ZNF454: variants seen among roughly 807,000 people sequenced by gnomAD.
The protein encoded by ZNF454 is zinc finger protein 454.
Under a neutral mutation model 48.2 loss-of-function variants are expected in ZNF454, and 30 were observed. The ratio of observed to expected loss-of-function variants is 0.62; its 90% CI spans 0.47 to 0.84. ZNF454 has a LOEUF of 0.84. ZNF454 is among the 40% of genes least tolerant of loss of function. The pLI, the probability that ZNF454 is intolerant of heterozygous loss-of-function variation, is 0.00. For synonymous variants in ZNF454, 204 were observed against 211.4 expected, an observed-to-expected ratio of 0.97 and a Z score of 0.30; for missense variants, 510 against 623.1, an observed-to-expected ratio of 0.82 and a Z score of 1.93.
chr5:178,976,401 C>T, the ZNF454 span, among the ~76,000 whole-genome samples: 4 of 152,166 alleles, frequency 2.6e-5, no homozygotes, highest in African/African-American at 9.7e-5. Flanking sequence ...ATCCCAGGTG[C>T]TTAGCACAGA....
the ZNF454 span, chr5:178,986,311 G>A: frequency 2.7e-4 from 436 of 1,613,998 alleles, 2 homozygotes; most frequent in African/African-American, 1.2e-3. Flanking sequence ...GGCACAGACC[G>A]CGGCCCCAGG....
At chr5:178,956,944 T>A (rs754634090) in intron 4 of ZNF454, 1 of 272,680 alleles carries the variant, frequency 3.7e-6, no homozygotes, top group South Asian at 3.0e-5. Context: ...AGTGCAGTGG[T>A]ACAATCTCGG....
At chr5:178,987,543 G>A in the ZNF454 span, 2 of 430,674 alleles carry the variant, frequency 4.6e-6, no homozygotes, top group Admixed American at 2.4e-5. Flanking sequence ...GATGCTCGGT[G>A]AAACAAGCCA....
Position 178,966,226 on chromosome 5 carries a change from A to G in ZNF454, c.*253A>G. 3.1e-6 allele frequency: 1 copy of G among 324,410 alleles called. No homozygotes were observed. Among genetic ancestry groups the G allele is most frequent in the Non-Finnish European group, 5.6e-6 (1 of 177,632 alleles). 20.1% of individuals were successfully genotyped at this position (324,410 alleles called of 1,614,324 possible). On this transcript the variant is annotated 3_prime_UTR_variant, in exon 5 of 5. Transcript: ENST00000519564. ...GAGGTGGGCGGATCACGAGGTCAGG[A>G]GATCGAGACCATCCTGGCTAACAGG...
chr5:178,972,645 C>A, the ZNF454 span, among the ~76,000 whole-genome samples: 1 of 152,146 alleles, frequency 6.6e-6, no homozygotes, highest in African/African-American at 2.4e-5. Flanking sequence ...GCAGGCAAAC[C>A]ACAGATGACC....
chr5:178,970,837 C>G (rs1364540759), downstream of ZNF454, among the ~76,000 whole-genome samples: 1 of 152,208 alleles, frequency 6.6e-6, no homozygotes, highest in Non-Finnish European at 1.5e-5. Context: ...ACCTGGTTAT[C>G]TAGATGACAC....
chr5:178,981,044 C>A, the ZNF454 span: 1 of 155,050 alleles, frequency 6.4e-6, no homozygotes, highest in Non-Finnish European at 1.4e-5. This position sits in a 1 kb window ranked among gnomAD's most constrained non-coding sequence, Gnocchi z 5.1. Context: ...CATTGGGAAT[C>A]TCATGGGGGC....
At chr5:178,948,977 A>G (rs1189072815) in intron 4 of ZNF454, among the ~76,000 whole-genome samples, 1 of 150,956 alleles carries the variant, frequency 6.6e-6, no homozygotes, top group Non-Finnish European at 1.5e-5. Flanking sequence ...ATCATGGCTC[A>G]CTGCAACCTC....
chr5:178,978,118 G>A, the ZNF454 span, among the ~76,000 whole-genome samples: 1 of 152,112 alleles, frequency 6.6e-6, no homozygotes, highest in African/African-American at 2.4e-5. Context: ...TTTTTCCCCT[G>A]TCAAAGCCCA....
At chr5:178,985,454 A>G in the ZNF454 span, among the ~76,000 whole-genome samples, 23 of 151,684 alleles carry the variant, frequency 1.5e-4, no homozygotes, top group Non-Finnish European at 1.8e-4. Flanking sequence ...CTGTCATCCC[A>G]GCACTTTGGG....
At chr5:178,985,571 C>G in the ZNF454 span, 529 of 338,260 alleles carry the variant, frequency 1.6e-3, 1 homozygote, top group African/African-American at 3.7e-3. Flanking sequence ...GGCGTGGTGG[C>G]GGGCGCCTGT....
At chr5:178,985,499 C>A in the ZNF454 span, 16 of 342,822 alleles carry the variant, frequency 4.7e-5, no homozygotes, top group Admixed American at 8.0e-5. Flanking sequence ...GTCAGGAGAT[C>A]GAGACCATCC....
At chr5:178,957,412 TATTTTA>T (rs1314693691) in intron 4 of ZNF454, among the ~76,000 whole-genome samples, 2 of 151,728 alleles carry the variant, frequency 1.3e-5, no homozygotes, top group East Asian at 4.0e-4. Context: ...TTTTTTATTT[TATTTTA>T]TTTTTTTTGG....
the ZNF454 span, among the ~76,000 whole-genome samples, chr5:178,988,686 G>C: frequency 1.3e-5 from 2 of 152,264 alleles, no homozygotes; most frequent in East Asian, 3.9e-4. The surrounding 1 kb of genome is among the most constrained non-coding windows in gnomAD (Gnocchi z 6.0). Context: ...TGGCAGAAGG[G>C]ATCAGAGAAG....
chr5:178,980,166 G>C, the ZNF454 span: 4 of 154,350 alleles, frequency 2.6e-5, no homozygotes, highest in African/African-American at 9.6e-5. The surrounding 1 kb of genome is among the most constrained non-coding windows in gnomAD (Gnocchi z 4.3). Flanking sequence ...GGGAAAGTTT[G>C]TATGTTGGAT....
chr5:178,950,947 C>T (rs1237817761), intron 4 of ZNF454, among the ~76,000 whole-genome samples: 9 of 151,608 alleles, frequency 5.9e-5, no homozygotes, highest in Non-Finnish European at 1.3e-4. Flanking sequence ...ACAACCTCTG[C>T]CTACCGGGTT....
In ZNF454 at chr5:178,948,625, C is replaced by T. The variant is rs895272345; in HGVS notation, c.250+1639C>T. Reference sequence around the variant, plus strand: ...TGGGCCCCTGCCCACACTCTGTTCCCGCAGGCATGATTTCTGAGTTTCGTG... The same window carrying T: ...TGGGCCCCTGCCCACACTCTGTTCCTGCAGGCATGATTTCTGAGTTTCGTG... On this transcript the variant is annotated intron_variant, in intron 4 of 4. Coordinates refer to ENST00000519564, the MANE Select transcript of ZNF454 (RefSeq NM_001178089.3). 9.2e-5 allele frequency among the ~76,000 whole-genome samples: 14 copies of T among 152,280 alleles called. No individual in the cohort carries two copies. In the East Asian group the frequency reaches 2.1e-3, roughly 23 times the overall value.
intron 4 of ZNF454, among the ~76,000 whole-genome samples, chr5:178,962,132 T>G (rs1226731849): frequency 1.3e-5 from 2 of 151,782 alleles, no homozygotes; most frequent in African/African-American, 4.8e-5. Context: ...TTTTTAGAGA[T>G]ATTTTCTCTG....
the ZNF454 span, chr5:178,986,272 G>T: frequency 6.2e-7 from 1 of 1,614,066 alleles, no homozygotes; most frequent in African/African-American, 1.3e-5. Flanking sequence ...GCTGAGGGTC[G>T]TGCCCAGGCC....
Sources: allele counts gnomAD v4.1 joint callset (sites outside exome capture counted in the v4.1 genomes callset), GRCh38; gene constraint gnomAD v4.1.1; non-coding constraint Gnocchi (gnomAD v3.1); transcripts MANE v1.5; gene names NCBI Gene and HGNC (gene_info 2026-07-23, HGNC 2026-07-21).